The following IL17B variants were observed in gnomAD, a reference collection of about 807,000 sequenced individuals.
The protein encoded by IL17B is interleukin-17B.
IL17B carries 14 observed loss-of-function variants against 14.7 expected under a neutral mutation model. That is an observed-to-expected ratio of 0.95 (90% confidence interval 0.63 to 1.49). The LOEUF (loss-of-function observed/expected upper bound fraction) is 1.49. Among genes scored for constraint, IL17B ranks in the 40% most tolerant of loss-of-function variants. The pLI, the probability that IL17B is intolerant of heterozygous loss-of-function variation, is 0.00. For missense variants in IL17B, 233 were observed against 252.8 expected (o/e 0.92, Z 0.53); for synonymous variants, 105 against 94.8 (o/e 1.11, Z -0.62).
chr5:149,384,441 A>G (rs1387139994), intron 1 of IL17B, among the ~76,000 whole-genome samples: 2 of 152,158 alleles, frequency 1.3e-5, no homozygotes, highest in African/African-American at 2.4e-5. Flanking sequence ...ATTTTGATGT[A>G]TAGTGTGTTT....
At chr5:149,393,679 T>A (rs745876989) in intron 1 of IL17B, among the ~76,000 whole-genome samples, 1 of 152,162 alleles carries the variant, frequency 6.6e-6, no homozygotes, top group Non-Finnish European at 1.5e-5. Context: ...CCTCCCTTCC[T>A]TCCTTCTTTT....
At chr5:149,381,790 G>A (rs1758704912), upstream of IL17B, among the ~76,000 whole-genome samples, 1 of 152,198 alleles carries the variant, frequency 6.6e-6, no homozygotes, top group Non-Finnish European at 1.5e-5. Flanking sequence ...CCTTTTTGAT[G>A]TCCTGAGTGT....
rs1177471923 is a variant in IL17B, at chr5:149,374,981, C to T, written c.312-381G>A. 1 of 176,110 alleles carries T rather than the reference C, an allele frequency of 5.7e-6. No individual in the cohort carries two copies. The highest frequency in any genetic ancestry group is 2.3e-5 in the African/African-American group (1 of 42,662). 10.9% of individuals were successfully genotyped at this position (176,110 alleles called of 1,614,324 possible). On this transcript the variant is annotated intron_variant, in intron 2 of 2. Transcript: ENST00000261796. The surrounding 1 kb of genome is among the most constrained non-coding windows in gnomAD (Gnocchi z 5.0). ...TCTGTCACCCAGGGTGGAAGTGGCC[C>T]AGTCACAGCTTACTGCAGCATCAGC...
At chr5:149,390,226 C>T (rs189132310) in intron 1 of IL17B, among the ~76,000 whole-genome samples, 15 of 148,714 alleles carry the variant, frequency 1.0e-4, no homozygotes, top group East Asian at 9.8e-4. Context: ...GACCCCCCCC[C>T]TCCCTGTCCC....
upstream of IL17B, among the ~76,000 whole-genome samples, chr5:149,379,516 G>A (rs193043259): frequency 3.9e-5 from 6 of 152,356 alleles, no homozygotes; most frequent in East Asian, 9.6e-4. Context: ...GGCTCTGGCC[G>A]GTGGCACCTC....
At chr5:149,401,170 C>T (rs1207855803) in intron 1 of IL17B, among the ~76,000 whole-genome samples, 1 of 152,186 alleles carries the variant, frequency 6.6e-6, no homozygotes, top group Non-Finnish European at 1.5e-5. Flanking sequence ...AAAGTCATTC[C>T]CAAGGGTCCT....
Position 149,376,937 on chromosome 5 carries a change from G to C in IL17B, c.110C>G (p.Pro37Arg), listed in dbSNP as rs750842286. ...CACCTGGTGAGGGCCAGGGGCCAGGGGCCCAGGCCGCCCTTGCCCCTTCCT... is the reference window on the plus strand; with the variant it reads ...CACCTGGTGAGGGCCAGGGGCCAGGCGCCCAGGCCGCCCTTGCCCCTTCCT... The part of the protein sequence containing the change: ...SKRKGQGRPG[P>R]LAPGPHQVPL... Residue 37 changes from proline (P) to arginine (R), a missense_variant, in exon 2 of 3, where the codon CCC becomes CGC. Coordinates refer to ENST00000261796, the MANE Select transcript of IL17B (RefSeq NM_014443.3). The C allele has an allele frequency of 6.2e-7, 1 of 1,613,572 alleles. No individual in the cohort carries two copies. Among genetic ancestry groups the C allele is most frequent in the South Asian group, 1.1e-5 (1 of 91,036 alleles).
intron 2 of IL17B, 128 bp downstream of exon 2, chr5:149,376,608 G>C: frequency 5.7e-6 from 7 of 1,224,056 alleles, no homozygotes; most frequent in Non-Finnish European, 7.9e-6. Context: ...AGGCAAGTAA[G>C]AGGCAGAGCT....
upstream of IL17B, among the ~76,000 whole-genome samples, chr5:149,380,755 A>G (rs1299040088): frequency 6.6e-6 from 1 of 152,218 alleles, no homozygotes; most frequent in Non-Finnish European, 1.5e-5. Flanking sequence ...CATTTACAGG[A>G]ATCGTCCGAG....
chr5:149,388,116 A>G (rs1758863843), intron 1 of IL17B, among the ~76,000 whole-genome samples: 1 of 152,212 alleles, frequency 6.6e-6, no homozygotes, highest in African/African-American at 2.4e-5. Context: ...GGACAAATCT[A>G]CATTGGAGAG....
chr5:149,390,480 GCT>G (rs1233340044), intron 1 of IL17B, among the ~76,000 whole-genome samples: 1 of 149,884 alleles, frequency 6.7e-6, no homozygotes, highest in Non-Finnish European at 1.5e-5. Context: ...CTCATTCAGG[GCT>G]CTGTTGCAAG....
At chr5:149,384,889 G>T (rs1758789327) in intron 1 of IL17B, among the ~76,000 whole-genome samples, 1 of 151,570 alleles carries the variant, frequency 6.6e-6, no homozygotes, top group African/African-American at 2.4e-5. Flanking sequence ...TGTGTGTTGT[G>T]GGGTGGAGGG....
upstream of IL17B, among the ~76,000 whole-genome samples, chr5:149,381,020 C>T (rs531254658): frequency 3.9e-5 from 6 of 152,358 alleles, no homozygotes; most frequent in South Asian, 4.1e-4. Flanking sequence ...ACTGGCCGGG[C>T]GGCCTGGCTG....
At chr5:149,379,435 G>T (rs1429484105), upstream of IL17B, among the ~76,000 whole-genome samples, 1 of 152,194 alleles carries the variant, frequency 6.6e-6, no homozygotes, top group Non-Finnish European at 1.5e-5. Context: ...GGGGCGTGGG[G>T]GCAGGCCAGG....
chr5:149,383,349 G>A (rs1758747991), upstream of IL17B, among the ~76,000 whole-genome samples: 2 of 152,234 alleles, frequency 1.3e-5, no homozygotes, highest in Admixed American at 1.3e-4. Context: ...ACCAGCAGAA[G>A]AATGCAAAGG....
intron 1 of IL17B, among the ~76,000 whole-genome samples, chr5:149,396,541 A>G (rs1229302490): frequency 6.6e-6 from 1 of 152,216 alleles, no homozygotes; most frequent in Non-Finnish European, 1.5e-5. Context: ...GGAATGCTTG[A>G]GTCCAGGAAT....
At chr5:149,391,764 G>A (rs906348593) in intron 1 of IL17B, among the ~76,000 whole-genome samples, 1 of 152,198 alleles carries the variant, frequency 6.6e-6, no homozygotes, top group Non-Finnish European at 1.5e-5. Flanking sequence ...ACGGCGACTG[G>A]CCGGTGTGCA....
chr5:149,386,760 C>T (rs566950219), intron 1 of IL17B, among the ~76,000 whole-genome samples: 2 of 152,232 alleles, frequency 1.3e-5, no homozygotes, highest in South Asian at 2.1e-4. Context: ...CTGGAGTGCA[C>T]GGTGGTGCAA....
At chr5:149,384,753 T>C (rs1340673256) in intron 1 of IL17B, among the ~76,000 whole-genome samples, 2 of 152,142 alleles carry the variant, frequency 1.3e-5, no homozygotes, top group East Asian at 1.9e-4. Context: ...AGCTCAATTC[T>C]AGCACTTTCT....
Sources: gnomAD v4.1 joint callset for allele counts (sites outside exome capture counted in the v4.1 genomes callset) on GRCh38, gnomAD v4.1.1 for gene constraint, Gnocchi (gnomAD v3.1) non-coding constraint, MANE v1.5 for transcripts, NCBI Gene and HGNC (gene_info 2026-07-23, HGNC 2026-07-21) for gene names.